Variants in MTUS1 observed in about 807,000 individuals in gnomAD.
MTUS1 encodes the protein microtubule associated scaffold protein 1, also known as microtubule-associated tumor suppressor 1.
In MTUS1, 109 loss-of-function variants were observed where a neutral mutation model predicts 120.8. That is an observed-to-expected ratio of 0.90 (90% CI 0.77 to 1.06). The LOEUF (loss-of-function observed/expected upper bound fraction) is 1.06, where lower values mean the gene tolerates loss of function less well. Ranked by LOEUF, MTUS1 falls within the 50% of genes least tolerant of loss-of-function variation. MTUS1 has a pLI of 0.00. For missense variants in MTUS1, 2,210 were observed against 1,486.3 expected (o/e 1.49, Z -8.01); for synonymous variants, 737 against 550.5 (o/e 1.34, Z -4.74).
At chr8:17,798,213 A>T (rs1232383148) in intron 1 of MTUS1, among the ~76,000 whole-genome samples, 1 of 152,216 alleles carries the variant, frequency 6.6e-6, no homozygotes, top group Non-Finnish European at 1.5e-5. Flanking sequence ...TGTTGTTCCT[A>T]ATAGTATATA....
chr8:17,717,549 T>G (rs1822580907), intron 4 of MTUS1, among the ~76,000 whole-genome samples: 1 of 152,232 alleles, frequency 6.6e-6, no homozygotes, highest in Non-Finnish European at 1.5e-5. Context: ...AATAAGTCAC[T>G]TATTCATATT....
rs567858561 is a variant in MTUS1 at position 17,800,228 on chromosome 8, C to A, written c.-155+833G>T. On this transcript the variant is annotated intron_variant, in intron 1 of 14. Transcript: ENST00000693296. ...TTCCTCCTGAAATTCACTGGTAACA[C>A]CCCTACTCCCACCCTCCAGCCCCAG... 1.4e-3 allele frequency among the ~76,000 whole-genome samples: 216 copies of A among 152,216 alleles called. 2 individuals are homozygous for A. Among genetic ancestry groups the A allele is most frequent in the South Asian group, 4.4e-3 (21 of 4,818 alleles).
At chr8:17,795,347 T>C (rs2052138446) in intron 1 of MTUS1, among the ~76,000 whole-genome samples, 1 of 152,242 alleles carries the variant, frequency 6.6e-6, no homozygotes, top group Admixed American at 6.5e-5. Flanking sequence ...ATCAGAATAA[T>C]TATATTTGAT....
At chr8:17,782,807 G>T (rs1214099228) in intron 1 of MTUS1, among the ~76,000 whole-genome samples, 2 of 152,196 alleles carry the variant, frequency 1.3e-5, no homozygotes, top group Non-Finnish European at 2.9e-5. Context: ...GCCGGGCATG[G>T]TAGCTCACAC....
At chr8:17,697,148 C>A in intron 6 of MTUS1, 2 of 1,385,908 alleles carry the variant, frequency 1.4e-6, no homozygotes, top group Non-Finnish European at 1.9e-6. Context: ...TTAGAGAGAG[C>A]TTTTTTCCTC....
chr8:17,647,101 A>C, intron 13 of MTUS1, 22 bp from the exon 14 acceptor site: 1 of 1,589,144 alleles, frequency 6.3e-7, no homozygotes, highest in Non-Finnish European at 8.6e-7. Context: ...CAAGAATTCC[A>C]ACATTTATAC....
intron 4 of MTUS1, among the ~76,000 whole-genome samples, chr8:17,718,586 G>A (rs1271456950): frequency 6.6e-6 from 1 of 152,092 alleles, no homozygotes; most frequent in Non-Finnish European, 1.5e-5. Context: ...GTTCTAGAGA[G>A]CCATGGACAC....
In MTUS1 at chr8:17,755,259, G is replaced by A; in HGVS notation, c.549C>T (p.Ser183=). Residue 183 remains serine, a synonymous_variant, in exon 2 of 15, where the codon TCC becomes TCT. Coordinates refer to ENST00000693296, the MANE Select transcript of MTUS1 (RefSeq NM_001363059.2). ...GTGGCAGGCTTCCAGCAGTATGGAA[G>A]GACTGACTCTTTCCGATGGCATGAT... ...ISHHAIGKSQ[S]FHTAGSLPPT... is the part of the protein sequence containing the mutation. The A allele has an allele frequency of 6.2e-7, 1 of 1,614,076 alleles. No individual in the cohort carries two copies. Among genetic ancestry groups the A allele is most frequent in the Non-Finnish European group, 8.5e-7 (1 of 1,179,932 alleles).
At chr8:17,782,334 G>A (rs116173752) in intron 1 of MTUS1, among the ~76,000 whole-genome samples, 2,117 of 152,264 alleles carry the variant, frequency 0.014, 53 homozygotes, top group African/African-American at 0.048. Context: ...GCTATTTATA[G>A]ACATAACCAT....
chr8:17,704,361 G>C (rs1379744984), intron 6 of MTUS1, among the ~76,000 whole-genome samples: 1 of 152,116 alleles, frequency 6.6e-6, no homozygotes, highest in African/African-American at 2.4e-5. Context: ...AAAATGACAT[G>C]AAGTTTTGCC....
intron 8 of MTUS1, among the ~76,000 whole-genome samples, chr8:17,660,742 C>T (rs1809503465): frequency 6.6e-6 from 1 of 152,216 alleles, no homozygotes; most frequent in South Asian, 2.1e-4. Context: ...CTAATGAGTA[C>T]ATCACTGTGG....
intron 1 of MTUS1, among the ~76,000 whole-genome samples, chr8:17,764,822 G>A (rs1046172869): frequency 6.6e-5 from 10 of 152,158 alleles, no homozygotes; most frequent in South Asian, 2.1e-4. Context: ...CCCTAATCCC[G>A]TGGTCCCCAA....
intron 8 of MTUS1, among the ~76,000 whole-genome samples, chr8:17,666,841 G>C (rs1055972254): frequency 6.6e-6 from 1 of 152,100 alleles, no homozygotes; most frequent in African/African-American, 2.4e-5. Flanking sequence ...AGAGGGGTTA[G>C]TAGGATGATG....
chr8:17,664,702 G>A (rs976476936), intron 8 of MTUS1, among the ~76,000 whole-genome samples: 1 of 152,054 alleles, frequency 6.6e-6, no homozygotes, highest in Non-Finnish European at 1.5e-5. Flanking sequence ...ACATTCTACC[G>A]TAGGAGTGTG....
intron 6 of MTUS1, among the ~76,000 whole-genome samples, chr8:17,700,421 G>T (rs569945367): frequency 1.5e-5 from 2 of 135,880 alleles, no homozygotes; most frequent in Admixed American, 1.8e-4. Flanking sequence ...AATCAGCAGA[G>T]ATTGTGCCAT....
At position 17,736,796 on chromosome 8, in the gene MTUS1, G is replaced by C. The variant is rs112771848; in HGVS notation, c.2287+6808C>G. ...GATGGGGTTTCACCATCTTGGCCAG[G>C]CTGGTCTCGAACTTCTGACCTCAAG... On this transcript the variant is annotated intron_variant, in intron 3 of 14. Transcript: ENST00000693296. Among the ~76,000 whole-genome samples the C allele has an allele frequency of 7.5e-3, 1,147 of 152,168 alleles. 16 individuals carry two copies. Among genetic ancestry groups the C allele is most frequent in the African/African-American group, 0.026 (1,069 of 41,508 alleles).
chr8:17,743,611 G>A lies in MTUS1; in HGVS notation c.2280C>T (p.Ser760=), dbSNP rs758719184. 1.2e-6 allele frequency: 2 copies of A among 1,613,528 alleles called. No homozygotes were observed. The highest frequency in any genetic ancestry group is 2.2e-5 in the South Asian group (2 of 91,010). The change falls in exon 3 of 15, where the codon TCC becomes TCT. Residue 760 remains serine (S), a synonymous_variant. Coordinates refer to ENST00000693296, the MANE Select transcript of MTUS1 (RefSeq NM_001363059.2). ...GAACTATTTTATTCTTACCAGAACTGGACACACGCCTGATCCTCTGAGGAG... is the reference window on the plus strand; with the variant it reads ...GAACTATTTTATTCTTACCAGAACTAGACACACGCCTGATCCTCTGAGGAG... ...AVSPQRIRRV[S]SSGKPTSLKT... is the part of the protein sequence containing the mutation.
chr8:17,739,942 A>T (rs947925240), intron 3 of MTUS1, among the ~76,000 whole-genome samples: 2 of 152,178 alleles, frequency 1.3e-5, no homozygotes, highest in African/African-American at 4.8e-5. Context: ...ACATTTTGAC[A>T]AGTAAAATGG....
chr8:17,711,006 C>T (rs953525409), intron 6 of MTUS1, among the ~76,000 whole-genome samples: 8 of 152,312 alleles, frequency 5.3e-5, no homozygotes, highest in African/African-American at 1.9e-4. Flanking sequence ...TAGGTCTTAA[C>T]AATGGGCTTA....
Sources: gnomAD v4.1 joint callset for allele counts (sites outside exome capture counted in the v4.1 genomes callset) on GRCh38, gnomAD v4.1.1 for gene constraint, MANE v1.5 for transcripts, NCBI Gene and HGNC (gene_info 2026-07-23, HGNC 2026-07-21) for gene names.